Variants in EVC2 observed in about 807,000 individuals in gnomAD.
EVC2 encodes EvC ciliary complex subunit 2, also known as limbin.
A neutral mutation model predicts 149.3 loss-of-function variants in EVC2; 148 were observed. The observed-to-expected ratio is 0.99, with a 90% CI of 0.87 to 1.14. The LOEUF (loss-of-function observed/expected upper bound fraction) is 1.14. Ranked by LOEUF, EVC2 falls within the 50% of genes most tolerant of loss-of-function variation. The probability of loss-of-function intolerance (pLI) is 0.00; values close to 1 mark genes in which losing one functional copy is unlikely to be tolerated. For missense variants in EVC2, 1,854 were observed against 1,627.3 expected, an observed-to-expected ratio of 1.14 and a Z score of -2.40; for synonymous variants, 776 against 649.9, an observed-to-expected ratio of 1.19 and a Z score of -2.95.
chr4:5,647,892 A>G (rs1393315260), intron 9 of EVC2, among the ~76,000 whole-genome samples: 1 of 152,228 alleles, frequency 6.6e-6, no homozygotes, highest in Non-Finnish European at 1.5e-5. Flanking sequence ...CCTGTGGCGA[A>G]GGAAGCCGAC....
At position 5,625,858 on chromosome 4, in the gene EVC2, T is replaced by C. The variant is rs1716069379; in HGVS notation, c.1937A>G (p.Gln646Arg). The C allele has an allele frequency of 1.9e-6, 3 of 1,614,034 alleles. No homozygotes were observed. In the Admixed American group the frequency reaches 5.0e-5, roughly 27 times the overall value. Residue 646 changes from glutamine (Q) to arginine (R), a missense_variant, in exon 13 of 22, where the codon CAG becomes CGG. Transcript: ENST00000344408. The surrounding 1 kb of genome is among the most constrained non-coding windows in gnomAD (Gnocchi z 4.0). ...DQMEMLLERA[Q>R]TEVFSIKQKL... Reference sequence around the variant, plus strand: ...CTGCTTGATTGAAAAGACTTCTGTCTGAGCCCGCTCCAATAGCATTTCCAT... The same window carrying C: ...CTGCTTGATTGAAAAGACTTCTGTCCGAGCCCGCTCCAATAGCATTTCCAT...
rs777019687 is a variant in EVC2, at chr4:5,694,443, T to C, written c.342A>G (p.Ser114=). ...ATGGCCCACTAGAGGCTGCAGAAGT[T>C]GAGAGTGGGATGAAGACTTCCATTT... ...DKKMEVFIPL[S]TSAASSGPWA... Residue 114 remains serine (S), a synonymous_variant, in exon 3 of 22, where the codon TCA becomes TCG. Coordinates refer to ENST00000344408, the MANE Select transcript of EVC2 (RefSeq NM_147127.5). 1 of 1,614,144 alleles carries C rather than the reference T, an allele frequency of 6.2e-7. No individual in the cohort carries two copies. Among genetic ancestry groups the C allele is most frequent in the South Asian group, 1.1e-5 (1 of 91,076 alleles).
intron 21 of EVC2, among the ~76,000 whole-genome samples, chr4:5,543,764 CTT>C (rs1721561534): frequency 6.6e-6 from 1 of 152,126 alleles, no homozygotes; most frequent in Admixed American, 6.5e-5. Context: ...ATGGTACCTG[CTT>C]ATTAATTGCA....
At chr4:5,565,613 C>T (rs938133368) in intron 20 of EVC2, among the ~76,000 whole-genome samples, 8 of 148,568 alleles carry the variant, frequency 5.4e-5, no homozygotes, top group African/African-American at 1.8e-4. Context: ...GCGGAGGTTG[C>T]AGTGAGCTGA....
At chr4:5,598,480 A>G (rs966419636) in intron 16 of EVC2, among the ~76,000 whole-genome samples, 3 of 152,206 alleles carry the variant, frequency 2.0e-5, no homozygotes, top group African/African-American at 7.2e-5. Context: ...AGGATTCCCT[A>G]TTTAATAAAT....
At position 5,663,219 on chromosome 4, in the gene EVC2, G is replaced by T; in HGVS notation, c.1033C>A (p.Pro345Thr). 1 of 1,614,120 alleles carries T rather than the reference G, an allele frequency of 6.2e-7. No individual in the cohort carries two copies. The highest frequency in any genetic ancestry group is 1.1e-5 in the South Asian group (1 of 91,086). The change falls in exon 9 of 22, where the codon CCC (proline) becomes ACC (threonine). Residue 345 changes from proline to threonine, a missense_variant. Transcript: ENST00000344408. The part of the protein sequence containing the change: ...RVWQYESKLE[P>T]LPFTSADGVN... ...CCATCAGCTGAGGTGAACGGCAAGG[G>T]TTCCAGCTTGCTCTCATACTGCCAA...
At chr4:5,674,622 C>A (rs1278368568) in intron 7 of EVC2, among the ~76,000 whole-genome samples, 2 of 152,132 alleles carry the variant, frequency 1.3e-5, no homozygotes, top group Admixed American at 1.3e-4. Context: ...CAGGGTCCAG[C>A]AGGAGGTTTA....
At chr4:5,551,785 T>C (rs973075929) in intron 21 of EVC2, among the ~76,000 whole-genome samples, 4 of 152,108 alleles carry the variant, frequency 2.6e-5, no homozygotes, top group Non-Finnish European at 4.4e-5. Flanking sequence ...AATTGAATCA[T>C]GGGGGCCGGT....
intron 9 of EVC2, among the ~76,000 whole-genome samples, chr4:5,650,317 CCT>C (rs773556100): frequency 3.3e-5 from 5 of 152,016 alleles, no homozygotes; most frequent in Non-Finnish European, 5.9e-5. Flanking sequence ...TCAAATCCTC[CCT>C]GTCCTTCCTG....
In EVC2 at chr4:5,594,215, C is replaced by G. The variant is rs533809805; in HGVS notation, c.2830-9365G>C. Among the ~76,000 whole-genome samples, 10 of 152,272 alleles carry G rather than the reference C, an allele frequency of 6.6e-5. No homozygotes were observed. The East Asian group carries it at 9.7e-4, about 15-fold the overall frequency. On this transcript the variant is annotated intron_variant, in intron 16 of 21. Coordinates refer to ENST00000344408, the MANE Select transcript of EVC2 (RefSeq NM_147127.5). The stretch of plus-strand genomic sequence containing the variant: ...TCCCTGTCTGACAGCTTTGAAGAGA[C>G]CAGTGGTTCTCCCAGCACGCAGCTG...
rs1456668736 is a variant in EVC2 at position 5,640,736 on chromosome 4, G to T, written c.1248C>A (p.Ser416Arg). ...CTACTTGGGGTGAGAGGTGGCCACT[G>T]CTGGTGAGATTTTTCAGCAGAAGGG... Reference protein sequence around the residue: ...IIALLLKNLTSSGHLSPQVER... With the variant: ...IIALLLKNLTRSGHLSPQVER... Residue 416 changes from serine (S) to arginine (R), a missense_variant, in exon 10 of 22, where the codon AGC becomes AGA. By Grantham distance (110) the Ser-to-Arg change is moderately radical (BLOSUM62 -1). Transcript: ENST00000344408. This position sits in a 1 kb window ranked among gnomAD's most constrained non-coding sequence, Gnocchi z 4.6. 3 of 1,614,118 alleles carry T rather than the reference G, an allele frequency of 1.9e-6. No homozygotes were observed. Among genetic ancestry groups the T allele is most frequent in the Non-Finnish European group, 2.5e-6 (3 of 1,180,020 alleles).
chr4:5,529,594 A>T, the EVC2 span, among the ~76,000 whole-genome samples: 2 of 152,156 alleles, frequency 1.3e-5, no homozygotes, highest in South Asian at 4.1e-4. The surrounding 1 kb of genome is among the most constrained non-coding windows in gnomAD (Gnocchi z 4.5). Flanking sequence ...CCTCTCACTT[A>T]TTGTGGTTCT....
In EVC2 at chr4:5,657,299, T is replaced by C; in HGVS notation, c.1145+5808A>G. Among the ~76,000 whole-genome samples the C allele has an allele frequency of 6.6e-6, 1 of 152,056 alleles. No individual in the cohort carries two copies. The highest frequency in any genetic ancestry group is 1.5e-5 in the Non-Finnish European group (1 of 68,020). On this transcript the variant is annotated intron_variant, in intron 9 of 21. Coordinates refer to ENST00000344408, the MANE Select transcript of EVC2 (RefSeq NM_147127.5). This position sits in a 1 kb window ranked among gnomAD's most constrained non-coding sequence, Gnocchi z 4.7. ...CATTGAGAAGCATCTGACAGGTTCATCCCATGTTCCCTCCCCAAGCCACGT... is the reference window on the plus strand; with the variant it reads ...CATTGAGAAGCATCTGACAGGTTCACCCCATGTTCCCTCCCCAAGCCACGT...
chr4:5,597,078 C>T (rs995143186), intron 16 of EVC2, among the ~76,000 whole-genome samples: 6 of 152,294 alleles, frequency 3.9e-5, no homozygotes, highest in Middle Eastern at 3.4e-3. Context: ...TAATCAATAG[C>T]TTACCAACCA....
intron 9 of EVC2, among the ~76,000 whole-genome samples, chr4:5,644,943 T>G (rs1244425979): frequency 2.0e-5 from 3 of 152,244 alleles, no homozygotes; most frequent in Admixed American, 2.0e-4. Context: ...GCACTTAGGT[T>G]GATTTCACAT....
At position 5,657,256 on chromosome 4, in the gene EVC2, T is replaced by C. The variant is rs1375448762; in HGVS notation, c.1145+5851A>G. Among the ~76,000 whole-genome samples the C allele has an allele frequency of 6.6e-6, 1 of 152,186 alleles. No homozygotes were observed. Among genetic ancestry groups the C allele is most frequent in the Non-Finnish European group, 1.5e-5 (1 of 68,034 alleles). On this transcript the variant is annotated intron_variant, in intron 9 of 21. Coordinates refer to ENST00000344408, the MANE Select transcript of EVC2 (RefSeq NM_147127.5). The surrounding 1 kb of genome is among the most constrained non-coding windows in gnomAD (Gnocchi z 4.7). ...ACATTCCCACCTTTTCCTCCTCTGC[T>C]GTCCTCACCTTGAACTTCATTGAGA...
chr4:5,576,477 G>T lies in EVC2; in HGVS notation c.3058-23C>A. The stretch of plus-strand genomic sequence containing the variant: ...CTCCTACACAAGGAAGGGGCAGAGG[G>T]TAAGCACCACTGCACAAGGCGGGTG... On this transcript the variant is annotated intron_variant, in intron 17 of 21. Transcript: ENST00000344408. This position sits in a 1 kb window ranked among gnomAD's most constrained non-coding sequence, Gnocchi z 4.5. 1 of 1,564,988 alleles carries T rather than the reference G, an allele frequency of 6.4e-7. No individual in the cohort carries two copies. The highest frequency in any genetic ancestry group is 8.6e-7 in the Non-Finnish European group (1 of 1,157,682).
chr4:5,608,957 T>C (rs1190772515), intron 16 of EVC2, among the ~76,000 whole-genome samples: 1 of 152,152 alleles, frequency 6.6e-6, no homozygotes, highest in Non-Finnish European at 1.5e-5. Flanking sequence ...TCTCTTTCTC[T>C]TCCGGAGCTG....
Position 5,674,258 on chromosome 4 carries a change from C to G in EVC2, c.870+7002G>C, listed in dbSNP as rs76109354. Among the ~76,000 whole-genome samples the G allele has an allele frequency of 6.5e-3, 997 of 152,216 alleles. 11 individuals carry two copies. The highest frequency in any genetic ancestry group is 0.023 in the African/African-American group (948 of 41,514). On this transcript the variant is annotated intron_variant, in intron 7 of 21. Coordinates refer to ENST00000344408, the MANE Select transcript of EVC2 (RefSeq NM_147127.5). ...AGGCAGAGACAATCACACTTACCAA[C>G]GCAGCTTTGCTAATTTCCCAATCTA... is the stretch of plus-strand genomic sequence containing the variant.
Sources: gnomAD v4.1 joint callset for allele counts (sites outside exome capture counted in the v4.1 genomes callset) on GRCh38, gnomAD v4.1.1 for gene constraint, Gnocchi (gnomAD v3.1) non-coding constraint, MANE v1.5 for transcripts, NCBI Gene and HGNC (gene_info 2026-07-23, HGNC 2026-07-21) for gene names.